Variants in IRAK1BP1 observed in about 807,000 individuals in gnomAD.
The protein encoded by IRAK1BP1 is interleukin-1 receptor-associated kinase 1-binding protein 1.
In IRAK1BP1, 24 loss-of-function variants were observed where a neutral mutation model predicts 28.0. The observed-to-expected ratio is 0.86, with a 90% CI of 0.62 to 1.20. IRAK1BP1 has a LOEUF of 1.20. Ranked by LOEUF, IRAK1BP1 falls within the 50% of genes most tolerant of loss-of-function variation. IRAK1BP1 has a pLI of 0.00. For synonymous variants in IRAK1BP1, 131 were observed against 116.3 expected (o/e 1.13, Z -0.81); for missense variants, 336 against 316.7 (o/e 1.06, Z -0.46).
At chr6:78,979,383 T>C in the IRAK1BP1 span, among the ~76,000 whole-genome samples, 1 of 152,058 alleles carries the variant, frequency 6.6e-6, no homozygotes, top group Non-Finnish European at 1.5e-5. Context: ...CAAAATGCTA[T>C]CAATTTTATA....
chr6:78,887,855 G>T (rs899691963), intron 2 of IRAK1BP1, among the ~76,000 whole-genome samples: 2 of 152,204 alleles, frequency 1.3e-5, no homozygotes, highest in African/African-American at 4.8e-5. Context: ...ACTCCTGGGT[G>T]TATATCCAAA....
At chr6:78,952,991 T>G in the IRAK1BP1 span, among the ~76,000 whole-genome samples, 1 of 152,082 alleles carries the variant, frequency 6.6e-6, no homozygotes, top group African/African-American at 2.4e-5. Context: ...ATATTTTCAT[T>G]TGTTGTTTCT....
In IRAK1BP1 at chr6:78,902,807, C is replaced by G. The variant is rs1474677832; in HGVS notation, c.*4473C>G. The G allele has an allele frequency of 4.8e-6, 1 of 208,300 alleles. No individual in the cohort carries two copies. The highest frequency in any genetic ancestry group is 5.2e-5 in the African/African-American group (1 of 19,226). The allele number at this position is 208,300 out of a possible 1,614,324, so 12.9% of individuals were successfully genotyped here. A position where few individuals can be genotyped will look rare whatever the true frequency, so the allele number is the denominator to read the frequency against. On this transcript the variant is annotated 3_prime_UTR_variant, in exon 4 of 4. Coordinates refer to ENST00000369940, the MANE Select transcript of IRAK1BP1 (RefSeq NM_001010844.4). The stretch of plus-strand genomic sequence containing the variant: ...ACATACATACATACATACATACATA[C>G]ATACATACATACATAAAATGCCCAG...
Position 78,903,072 on chromosome 6 carries a change from C to T in IRAK1BP1, c.*4738C>T. 1 of 1,530,436 alleles carries T rather than the reference C, an allele frequency of 6.5e-7. No individual in the cohort carries two copies. The highest frequency in any genetic ancestry group is 8.8e-7 in the Non-Finnish European group (1 of 1,141,954). 94.8% of individuals were successfully genotyped at this position (1,530,436 alleles called of 1,614,324 possible). A position where few individuals can be genotyped will look rare whatever the true frequency, so the allele number is the denominator to read the frequency against. ...TGTCACCTGTGAATTATCATGAATC[C>T]CACATCAAATGAACAAATACTGCCT... On this transcript the variant is annotated 3_prime_UTR_variant, in exon 4 of 4. Coordinates refer to ENST00000369940, the MANE Select transcript of IRAK1BP1 (RefSeq NM_001010844.4).
At chr6:78,910,625 G>A (rs749063719) in intron 4 of IRAK1BP1, among the ~76,000 whole-genome samples, 1 of 152,272 alleles carries the variant, frequency 6.6e-6, no homozygotes, top group East Asian at 1.9e-4. Context: ...GGGCAGAAGG[G>A]CGCATTCTCG....
the IRAK1BP1 span, among the ~76,000 whole-genome samples, chr6:78,964,115 C>G: frequency 6.6e-6 from 1 of 152,086 alleles, no homozygotes; most frequent in Non-Finnish European, 1.5e-5. Flanking sequence ...TTCAAACTTT[C>G]TTTTTAATAA....
the IRAK1BP1 span, among the ~76,000 whole-genome samples, chr6:78,953,746 C>T: frequency 6.6e-6 from 1 of 151,756 alleles, no homozygotes; most frequent in East Asian, 1.9e-4. Flanking sequence ...AAAATTAGCC[C>T]GGCTAATTTT....
intron 4 of IRAK1BP1, among the ~76,000 whole-genome samples, chr6:78,920,262 A>AT (rs1772686641): frequency 6.6e-6 from 1 of 152,174 alleles, no homozygotes; most frequent in South Asian, 2.1e-4. Flanking sequence ...CAAATAAAAA[A>AT]TTTTACAAAA....
At chr6:78,903,328 C>CA (rs199955033), downstream of IRAK1BP1, among the ~76,000 whole-genome samples, 894 of 136,264 alleles carry the variant, frequency 6.6e-3, 21 homozygotes, top group East Asian at 0.076. Flanking sequence ...ACTAAAAATA[C>CA]AAAAAAAAAA....
chr6:78,915,269 CAA>C (rs1300895426), intron 4 of IRAK1BP1, among the ~76,000 whole-genome samples: 1 of 152,160 alleles, frequency 6.6e-6, no homozygotes, highest in Non-Finnish European at 1.5e-5. Flanking sequence ...TAGAGTGATT[CAA>C]AGACTGTCAG....
intron 4 of IRAK1BP1, among the ~76,000 whole-genome samples, chr6:78,920,037 C>T (rs1306753448): frequency 6.6e-6 from 1 of 152,070 alleles, no homozygotes; most frequent in East Asian, 1.9e-4. Flanking sequence ...AGGTGGATCA[C>T]GAGGTCAGGA....
rs1772040248 is a variant in IRAK1BP1 at position 78,900,063 on chromosome 6, T to C, written c.*1729T>C. On this transcript the variant is annotated 3_prime_UTR_variant, in exon 4 of 4. Coordinates refer to ENST00000369940, the MANE Select transcript of IRAK1BP1 (RefSeq NM_001010844.4). ...ATCTTGTAACTGGATCAAGTATCAGTTTTTAAATTAGTTAAAATTAAATAA... is the reference window on the plus strand; with the variant it reads ...ATCTTGTAACTGGATCAAGTATCAGCTTTTAAATTAGTTAAAATTAAATAA... 6.6e-6 allele frequency: 1 copy of C among 152,232 alleles called. No homozygotes were observed. Among genetic ancestry groups the C allele is most frequent in the Non-Finnish European group, 1.5e-5 (1 of 68,046 alleles). The allele number at this position is 152,232 out of a possible 1,614,324, so 9.4% of individuals were successfully genotyped here.
the IRAK1BP1 span, among the ~76,000 whole-genome samples, chr6:78,967,652 A>G: frequency 6.6e-6 from 1 of 152,214 alleles, no homozygotes; most frequent in Non-Finnish European, 1.5e-5. Flanking sequence ...ATATTAACCC[A>G]TAAATTAGAA....
the IRAK1BP1 span, among the ~76,000 whole-genome samples, chr6:78,971,472 C>A: frequency 2.0e-5 from 3 of 152,168 alleles, no homozygotes; most frequent in African/African-American, 4.8e-5. Context: ...TTTGGGATAG[C>A]CACTATCCCA....
the IRAK1BP1 span, chr6:78,978,771 C>A: frequency 1.3e-5 from 18 of 1,342,070 alleles, no homozygotes; most frequent in African/African-American, 5.8e-5. Context: ...ATCCACAAAT[C>A]TACTCTTTAA....
rs1218613685 is a variant in IRAK1BP1, at chr6:78,899,589, C to A, written c.*1255C>A. 3 of 151,578 alleles carry A rather than the reference C, an allele frequency of 2.0e-5. No homozygotes were observed. The highest frequency in any genetic ancestry group is 2.9e-5 in the Non-Finnish European group (2 of 67,878). 9.4% of individuals were successfully genotyped at this position (151,578 alleles called of 1,614,324 possible). On this transcript the variant is annotated 3_prime_UTR_variant, in exon 4 of 4. Coordinates refer to ENST00000369940, the MANE Select transcript of IRAK1BP1 (RefSeq NM_001010844.4). ...CTAGTGCACATGTTTTTTTATTTTT[C>A]TTTTTCGAGATGGAGTCTTTCTCTG...
the IRAK1BP1 span, chr6:78,955,806 T>C: frequency 7.0e-5 from 34 of 483,732 alleles, 1 homozygote; most frequent in Middle Eastern, 3.0e-4. Context: ...TTCTTCTCCA[T>C]TGGCTTACTC....
the IRAK1BP1 span, among the ~76,000 whole-genome samples, chr6:78,965,298 A>G: frequency 7.2e-5 from 11 of 152,182 alleles, no homozygotes; most frequent in South Asian, 2.1e-4. Context: ...GAACTTGCCA[A>G]GATCACATAA....
rs1770625681 is a variant in IRAK1BP1 at position 78,867,669 on chromosome 6, A to G, written c.93A>G (p.Arg31=). 6.2e-7 allele frequency: 1 copy of G among 1,614,188 alleles called. No homozygotes were observed. Among genetic ancestry groups the G allele is most frequent in the Non-Finnish European group, 8.5e-7 (1 of 1,180,030 alleles). ...RSRENNLASG[R]ETLPGLRHPL... The stretch of plus-strand genomic sequence containing the variant: ...GGGAGAACAACCTGGCCTCAGGGAG[A>G]GAGACGCTACCGGGCTTACGCCACC... Residue 31 remains arginine, a synonymous_variant, in exon 1 of 4, where the codon AGA becomes AGG. Coordinates refer to ENST00000369940, the MANE Select transcript of IRAK1BP1 (RefSeq NM_001010844.4).
Sources: gnomAD v4.1 joint callset for allele counts (sites outside exome capture counted in the v4.1 genomes callset) on GRCh38, gnomAD v4.1.1 for gene constraint, MANE v1.5 for transcripts, NCBI Gene and HGNC (gene_info 2026-07-23, HGNC 2026-07-21) for gene names.